The following MAF variants were observed in gnomAD, a reference collection of about 807,000 sequenced individuals.
The protein encoded by MAF is transcription factor Maf.
In MAF, 10 loss-of-function variants were observed where a neutral mutation model predicts 22.0. The ratio of observed to expected loss-of-function variants is 0.45; its 90% CI spans 0.28 to 0.77. The LOEUF (loss-of-function observed/expected upper bound fraction) is 0.77. MAF is among the 30% of genes least tolerant of loss of function. The pLI, the probability that MAF is intolerant of heterozygous loss-of-function variation, is 0.12. For synonymous variants in MAF, 337 were observed against 255.8 expected (o/e 1.32, Z -3.03); for missense variants, 544 against 548.4 (o/e 0.99, Z 0.08).
At chr16:79,548,714 C>G in the MAF span, among the ~76,000 whole-genome samples, 1 of 152,116 alleles carries the variant, frequency 6.6e-6, no homozygotes. Context: ...GGAGGCAGTG[C>G]CCATTGAATA....
chr16:79,582,809 C>T (rs1567554866), downstream of MAF, among the ~76,000 whole-genome samples: 1 of 152,176 alleles, frequency 6.6e-6, no homozygotes, highest in Admixed American at 6.5e-5. Flanking sequence ...TCCAAATCTA[C>T]AGCAGAGAGC....
the MAF span, among the ~76,000 whole-genome samples, chr16:79,272,305 C>G: frequency 6.6e-6 from 1 of 152,206 alleles, no homozygotes; most frequent in Admixed American, 6.5e-5. Flanking sequence ...CAAGTGGATT[C>G]CGATTTTGAA....
the MAF span, among the ~76,000 whole-genome samples, chr16:79,315,267 A>G: frequency 6.6e-6 from 1 of 152,192 alleles, no homozygotes; most frequent in Admixed American, 6.5e-5. Flanking sequence ...TATCAGGGTG[A>G]TAAGTGTACA....
chr16:79,210,099 A>G, the MAF span, among the ~76,000 whole-genome samples: 2 of 152,160 alleles, frequency 1.3e-5, no homozygotes, highest in African/African-American at 2.4e-5. Context: ...GCAGCCAGTT[A>G]TTATCAAAAC....
chr16:79,480,064 G>C, the MAF span, among the ~76,000 whole-genome samples: 1 of 152,164 alleles, frequency 6.6e-6, no homozygotes, highest in African/African-American at 2.4e-5. Flanking sequence ...TCAAGCTCCA[G>C]GGTGTAAGAT....
At chr16:79,431,905 ATG>A in the MAF span, among the ~76,000 whole-genome samples, 1 of 152,180 alleles carries the variant, frequency 6.6e-6, no homozygotes. Context: ...TTTCCCTCAT[ATG>A]CCTATGCTGA....
At chr16:79,523,246 T>C in the MAF span, among the ~76,000 whole-genome samples, 136 of 152,308 alleles carry the variant, frequency 8.9e-4, no homozygotes, top group African/African-American at 3.1e-3. Context: ...CTAACAGGAA[T>C]TCTCTACCAT....
chr16:79,247,669 T>C, the MAF span, among the ~76,000 whole-genome samples: 1 of 152,202 alleles, frequency 6.6e-6, no homozygotes, highest in East Asian at 1.9e-4. Context: ...CAACCCATCC[T>C]CATTAGCTGC....
chr16:79,453,052 A>T, the MAF span, among the ~76,000 whole-genome samples: 1 of 152,216 alleles, frequency 6.6e-6, no homozygotes, highest in Non-Finnish European at 1.5e-5. Context: ...TGGGATGGAA[A>T]AACGATATAG....
At chr16:79,251,083 C>T in the MAF span, among the ~76,000 whole-genome samples, 3 of 152,096 alleles carry the variant, frequency 2.0e-5, no homozygotes, top group East Asian at 1.9e-4. Context: ...AGATTCCCCC[C>T]GTTTCACAGG....
chr16:79,582,741 A>T (rs1912598724), downstream of MAF, among the ~76,000 whole-genome samples: 1 of 152,264 alleles, frequency 6.6e-6, no homozygotes, highest in Non-Finnish European at 1.5e-5. Context: ...GCCAACAGAT[A>T]TATTGATGTA....
At chr16:79,456,443 G>C in the MAF span, among the ~76,000 whole-genome samples, 1 of 152,154 alleles carries the variant, frequency 6.6e-6, no homozygotes, top group Admixed American at 6.5e-5. Context: ...TTCTTAACAG[G>C]TCCAAGGAAT....
the MAF span, among the ~76,000 whole-genome samples, chr16:79,208,094 C>T: frequency 2.6e-5 from 4 of 152,302 alleles, no homozygotes; most frequent in African/African-American, 7.2e-5. Context: ...AATGATGAAT[C>T]CTTATTACCA....
the MAF span, among the ~76,000 whole-genome samples, chr16:79,436,774 T>G: frequency 1.3e-5 from 2 of 152,286 alleles, no homozygotes; most frequent in Admixed American, 1.3e-4. Flanking sequence ...TGATGCCCTC[T>G]TGGAAACATG....
the MAF span, among the ~76,000 whole-genome samples, chr16:79,466,250 C>T: frequency 6.6e-6 from 1 of 152,140 alleles, no homozygotes; most frequent in Non-Finnish European, 1.5e-5. Context: ...TGTCTCAGCA[C>T]AGGTAACTGA....
the MAF span, among the ~76,000 whole-genome samples, chr16:79,353,660 G>A: frequency 3.3e-5 from 5 of 152,118 alleles, no homozygotes; most frequent in Non-Finnish European, 7.3e-5. Context: ...TGTAAGGTGG[G>A]CTGCTATTTT....
the MAF span, among the ~76,000 whole-genome samples, chr16:79,564,625 T>C: frequency 2.0e-5 from 3 of 152,220 alleles, no homozygotes; most frequent in Admixed American, 2.0e-4. Context: ...GAGCACCCTG[T>C]GGCAGCCCAC....
chr16:79,285,481 C>G, the MAF span, among the ~76,000 whole-genome samples: 1 of 152,104 alleles, frequency 6.6e-6, no homozygotes, highest in African/African-American at 2.4e-5. Flanking sequence ...CCCTGGACAC[C>G]TACATCAGAG....
chr16:79,574,569 G>C, the MAF span, among the ~76,000 whole-genome samples: 1 of 152,216 alleles, frequency 6.6e-6, no homozygotes, highest in Non-Finnish European at 1.5e-5. Context: ...GATTTCGTGA[G>C]ACCCATGGAA....
Sources: gnomAD v4.1 joint callset for allele counts (sites outside exome capture counted in the v4.1 genomes callset) on GRCh38, gnomAD v4.1.1 for gene constraint, MANE v1.5 for transcripts, NCBI Gene and HGNC (gene_info 2026-07-23, HGNC 2026-07-21) for gene names.